GRIK4: variants seen among roughly 807,000 people sequenced by gnomAD.
GRIK4 encodes glutamate ionotropic receptor kainate type subunit 4.
In GRIK4, 40 loss-of-function variants were observed where a neutral mutation model predicts 104.9. The observed-to-expected ratio is 0.38, with a 90% confidence interval of 0.30 to 0.50. GRIK4 has a LOEUF of 0.50. Ranked by LOEUF, GRIK4 falls within the 20% of genes least tolerant of loss-of-function variation. GRIK4 has a pLI of 0.93. For missense variants in GRIK4, 1,047 were observed against 1,308.1 expected, an observed-to-expected ratio of 0.80 and a Z score of 3.08; for synonymous variants, 485 against 524.9, an observed-to-expected ratio of 0.92 and a Z score of 1.04.
intron 1 of GRIK4, among the ~76,000 whole-genome samples, chr11:120,622,541 G>C (rs1949202816): frequency 6.6e-6 from 1 of 152,186 alleles, no homozygotes; most frequent in South Asian, 2.1e-4. Context: ...GAAATACTTT[G>C]TACTGCATGC....
At chr11:120,842,263 C>T (rs117794242) in intron 8 of GRIK4, among the ~76,000 whole-genome samples, 2,148 of 152,272 alleles carry the variant, frequency 0.014, 22 homozygotes, top group Non-Finnish European at 0.019. Flanking sequence ...CCCCAGTCTT[C>T]TTCTAGTTTA....
At chr11:120,795,552 T>C (rs1277621675) in intron 3 of GRIK4, among the ~76,000 whole-genome samples, 1 of 152,244 alleles carries the variant, frequency 6.6e-6, no homozygotes, top group Non-Finnish European at 1.5e-5. Flanking sequence ...ATTAAGGGCC[T>C]ACTGTGTGTC....
At chr11:120,920,384 C>A (rs1052404196) in intron 13 of GRIK4, among the ~76,000 whole-genome samples, 1 of 152,144 alleles carries the variant, frequency 6.6e-6, no homozygotes, top group Non-Finnish European at 1.5e-5. Context: ...CCTCGGTCCC[C>A]AAACACATGC....
At chr11:120,958,328 G>C (rs1406218693) in intron 16 of GRIK4, among the ~76,000 whole-genome samples, 1 of 152,278 alleles carries the variant, frequency 6.6e-6, no homozygotes, top group Non-Finnish European at 1.5e-5. Context: ...CTGGCCCCAG[G>C]TGGCTTGGTC....
At position 120,566,706 on chromosome 11, in the gene GRIK4, G is replaced by GTTT. The variant is rs538654745; in HGVS notation, c.-159+54833_-159+54835dup. ...ATTTTTTTTCTTGTTTATACCCTCAGTTTTTTTTTTTTTTTTGAGACGGCG... is the reference window on the plus strand; with the variant it reads ...ATTTTTTTTCTTGTTTATACCCTCAGTTTTTTTTTTTTTTTTTTTGAGACGGCG... On this transcript the variant is annotated intron_variant, in intron 1 of 20. Coordinates refer to ENST00000527524, the MANE Select transcript of GRIK4 (RefSeq NM_014619.5). 8.1e-5 allele frequency among the ~76,000 whole-genome samples: 11 copies of GTTT among 136,290 alleles called. 1 individual carries two copies. In the East Asian group the frequency reaches 8.4e-4, roughly 10 times the overall value. 89.4% of individuals were successfully genotyped at this position (136,290 alleles called of 152,430 possible).
At chr11:120,820,015 G>A (rs983892938) in intron 6 of GRIK4, 95 bp downstream of exon 6, 24 of 1,213,148 alleles carry the variant, frequency 2.0e-5, no homozygotes, top group Non-Finnish European at 2.4e-5. Flanking sequence ...CTCCAGGAAG[G>A]GGAGGCTTCC....
chr11:120,653,278 A>T (rs1431774432), intron 1 of GRIK4, among the ~76,000 whole-genome samples: 1 of 152,208 alleles, frequency 6.6e-6, no homozygotes, highest in African/African-American at 2.4e-5. Flanking sequence ...AGGATCTTCT[A>T]GGTTGAGAAA....
chr11:120,947,128 G>A (rs1014132484), intron 14 of GRIK4, among the ~76,000 whole-genome samples: 3 of 152,166 alleles, frequency 2.0e-5, no homozygotes, highest in East Asian at 3.8e-4. Flanking sequence ...AATAGGCTGG[G>A]CACGGTGGCT....
intron 1 of GRIK4, among the ~76,000 whole-genome samples, chr11:120,567,838 A>C (rs907496023): frequency 1.3e-5 from 2 of 152,190 alleles, no homozygotes; most frequent in African/African-American, 4.8e-5. Flanking sequence ...CCCTTCTCCA[A>C]GGCAGGTACA....
intron 13 of GRIK4, among the ~76,000 whole-genome samples, chr11:120,909,525 G>A (rs1942946192): frequency 6.6e-6 from 1 of 152,162 alleles, no homozygotes; most frequent in Non-Finnish European, 1.5e-5. Context: ...TCTCACTTAT[G>A]CAGCACATGT....
chr11:120,580,658 T>C (rs118121693), intron 1 of GRIK4, among the ~76,000 whole-genome samples: 3,835 of 152,090 alleles, frequency 0.025, 66 homozygotes, highest in Non-Finnish European at 0.042. Context: ...AACCTCTGCC[T>C]CCTAGGGTGT....
rs2134458664 is a variant in GRIK4, at chr11:120,892,997, A to G, written c.1165-5535A>G. ...GACACTACGAGAAAGCAGACAAATT[A>G]ACGTATAAAAGCGCAGAACTGCAGG... On this transcript the variant is annotated intron_variant, in intron 11 of 20. Coordinates refer to ENST00000527524, the MANE Select transcript of GRIK4 (RefSeq NM_014619.5). Among the ~76,000 whole-genome samples the G allele has an allele frequency of 2.0e-5, 3 of 152,344 alleles. No individual in the cohort carries two copies. The South Asian group carries it at 6.2e-4, about 32-fold the overall frequency.
chr11:120,528,391 A>G (rs34414148), intron 1 of GRIK4, among the ~76,000 whole-genome samples: 1,756 of 152,310 alleles, frequency 0.012, 17 homozygotes, highest in South Asian at 0.029. Flanking sequence ...GATTACAGGC[A>G]TGAGCCACCA....
rs369974748 is a variant in GRIK4 at position 120,944,400 on chromosome 11, G to A, written c.1590+3940G>A. 2.2e-4 allele frequency among the ~76,000 whole-genome samples: 34 copies of A among 152,212 alleles called. No homozygotes were observed. In the East Asian group the frequency reaches 4.6e-3, roughly 21 times the overall value. ...CATTTCTTCACATCTCCATCTGGAC[G>A]TCTCACAGGCACCCCAAAAACTGTG... On this transcript the variant is annotated intron_variant, in intron 14 of 20. Coordinates refer to ENST00000527524, the MANE Select transcript of GRIK4 (RefSeq NM_014619.5).
At chr11:120,553,956 G>C (rs556314947) in intron 1 of GRIK4, among the ~76,000 whole-genome samples, 1 of 152,180 alleles carries the variant, frequency 6.6e-6, no homozygotes, top group African/African-American at 2.4e-5. Context: ...GACTTGGCAG[G>C]ATTTAAAAAA....
intron 1 of GRIK4, among the ~76,000 whole-genome samples, chr11:120,521,594 C>T (rs919130699): frequency 6.6e-6 from 1 of 152,172 alleles, no homozygotes; most frequent in Non-Finnish European, 1.5e-5. Flanking sequence ...GCCCCTTGCC[C>T]AGGGCTGCAT....
chr11:120,601,877 G>T (rs767553996), intron 1 of GRIK4, among the ~76,000 whole-genome samples: 3 of 152,106 alleles, frequency 2.0e-5, no homozygotes, highest in Non-Finnish European at 2.9e-5. Flanking sequence ...GAAGGATAAA[G>T]AAGCTGGGTG....
rs117996557 is a variant in GRIK4 at position 120,639,292 on chromosome 11, C to T, written c.-158-14393C>T. On this transcript the variant is annotated intron_variant, in intron 1 of 20. Transcript: ENST00000527524. ...ACAAGCTTGCCCTAAGATTCAGCTGCATCAGGGGCGCAATGGACAGAGGTG... is the reference window on the plus strand; with the variant it reads ...ACAAGCTTGCCCTAAGATTCAGCTGTATCAGGGGCGCAATGGACAGAGGTG... Among the ~76,000 whole-genome samples, 729 of 152,326 alleles carry T rather than the reference C, an allele frequency of 4.8e-3. 4 individuals are homozygous for T. Among genetic ancestry groups the T allele is most frequent in the South Asian group, 0.012 (57 of 4,828 alleles).
At chr11:120,872,299 A>G (rs2135672536) in intron 9 of GRIK4, 1 of 228,222 alleles carries the variant, frequency 4.4e-6, no homozygotes, top group Non-Finnish European at 8.7e-6. Flanking sequence ...TGGACTCTGG[A>G]CTTGGTGTTC....
Sources: gnomAD v4.1 joint callset for allele counts (sites outside exome capture counted in the v4.1 genomes callset) on GRCh38, gnomAD v4.1.1 for gene constraint, MANE v1.5 for transcripts, NCBI Gene and HGNC (gene_info 2026-07-23, HGNC 2026-07-21) for gene names.